Variants in AGAP1 observed in about 807,000 individuals in gnomAD.
The protein encoded by AGAP1 is ArfGAP with GTPase domain, ankyrin repeat and PH domain 1, also known as arf-GAP with GTPase, ANK repeat and PH domain-containing protein 1.
Under a neutral mutation model 105.3 loss-of-function variants are expected in AGAP1, and 29 were observed. The observed-to-expected ratio is 0.28, with a 90% confidence interval of 0.21 to 0.38. The LOEUF (loss-of-function observed/expected upper bound fraction) is 0.38. Ranked by LOEUF, AGAP1 falls within the 10% of genes least tolerant of loss-of-function variation. The pLI, the probability that AGAP1 is intolerant of heterozygous loss-of-function variation, is 1.00. For synonymous variants in AGAP1, 509 were observed against 485.9 expected (o/e 1.05, Z -0.63); for missense variants, 998 against 1,165.1 (o/e 0.86, Z 2.09).
At chr2:235,516,917 G>A (rs1942413975) in intron 1 of AGAP1, among the ~76,000 whole-genome samples, 1 of 152,254 alleles carries the variant, frequency 6.6e-6, no homozygotes, top group Admixed American at 6.5e-5. Context: ...TTGATGGGCA[G>A]TTGCAGGTAG....
intron 6 of AGAP1, among the ~76,000 whole-genome samples, chr2:235,766,421 T>C (rs1199384446): frequency 6.6e-6 from 1 of 152,164 alleles, no homozygotes. Context: ...GTCTAAGGAT[T>C]ATTCTCCTGC....
At chr2:235,916,650 T>G (rs1229996755) in intron 11 of AGAP1, among the ~76,000 whole-genome samples, 1 of 152,234 alleles carries the variant, frequency 6.6e-6, no homozygotes, top group Non-Finnish European at 1.5e-5. Flanking sequence ...GGGGAAATGA[T>G]GTCCACCTCT....
chr2:235,774,484 G>A, intron 6 of AGAP1: 1 of 393,838 alleles, frequency 2.5e-6, no homozygotes. Flanking sequence ...TAGGCTAATG[G>A]GAAAATAAGA....
chr2:235,819,779 C>T, intron 9 of AGAP1, among the ~76,000 whole-genome samples: 1 of 152,162 alleles, frequency 6.6e-6, no homozygotes, highest in East Asian at 1.9e-4. Flanking sequence ...CACTCCGAGA[C>T]ATGTTCTTTC....
chr2:236,099,442 G>C (rs557810823), intron 16 of AGAP1, among the ~76,000 whole-genome samples: 2 of 150,744 alleles, frequency 1.3e-5, no homozygotes, highest in Non-Finnish European at 3.0e-5. Context: ...GCGACAGAGC[G>C]AGACTCCGCC....
chr2:236,084,457 G>T (rs1263491160), intron 16 of AGAP1, among the ~76,000 whole-genome samples: 1 of 152,186 alleles, frequency 6.6e-6, no homozygotes. Flanking sequence ...AATGCAAGGG[G>T]CTTCTGTGTA....
In AGAP1 at chr2:235,559,081, C is replaced by T. The variant is rs1944065713; in HGVS notation, c.163+64232C>T. Among the ~76,000 whole-genome samples, 1 of 152,134 alleles carries T rather than the reference C, an allele frequency of 6.6e-6. No homozygotes were observed. Among genetic ancestry groups the T allele is most frequent in the Non-Finnish European group, 1.5e-5 (1 of 68,020 alleles). On this transcript the variant is annotated intron_variant, in intron 1 of 17. Coordinates refer to ENST00000304032, the MANE Select transcript of AGAP1 (RefSeq NM_001037131.3). The surrounding 1 kb of genome is among the most constrained non-coding windows in gnomAD (Gnocchi z 5.7). ...GAGACTACAGGCATGCGCCACTACA[C>T]CCGACTAATATTTTGTATTCGTGTG...
At chr2:235,637,875 G>C (rs528045424) in intron 1 of AGAP1, among the ~76,000 whole-genome samples, 2 of 152,274 alleles carry the variant, frequency 1.3e-5, no homozygotes, top group South Asian at 2.1e-4. Flanking sequence ...TCCGAGTGCA[G>C]GAAGAGACAG....
chr2:235,610,614 A>G lies in AGAP1; in HGVS notation c.164-98565A>G, dbSNP rs773787574. ...AAGATCCCACCTCAGATACCATCGC[A>G]TTGGGGGTTGAGCTTTAAATACAAA... On this transcript the variant is annotated intron_variant, in intron 1 of 17. Transcript: ENST00000304032. The surrounding 1 kb of genome is among the most constrained non-coding windows in gnomAD (Gnocchi z 4.9). Among the ~76,000 whole-genome samples, 2 of 152,124 alleles carry G rather than the reference A, an allele frequency of 1.3e-5. No homozygotes were observed. The highest frequency in any genetic ancestry group is 2.9e-5 in the Non-Finnish European group (2 of 68,028).
rs1404584232 is a variant in AGAP1, at chr2:236,089,343, CAT to C, written c.2115-30848_2115-30847del. On this transcript the variant is annotated intron_variant, in intron 16 of 17. Coordinates refer to ENST00000304032, the MANE Select transcript of AGAP1 (RefSeq NM_001037131.3). This position sits in a 1 kb window ranked among gnomAD's most constrained non-coding sequence, Gnocchi z 5.6. ...ATTCCTTGCTCTTCCGTAAAGGACACATGTGTCTCTGTGCCTCTCAGTCTCCC... is the reference window on the plus strand; with the variant it reads ...ATTCCTTGCTCTTCCGTAAAGGACACGTGTCTCTGTGCCTCTCAGTCTCCC... Among the ~76,000 whole-genome samples the C allele has an allele frequency of 6.6e-6, 1 of 152,260 alleles. No individual in the cohort carries two copies. Among genetic ancestry groups the C allele is most frequent in the African/African-American group, 2.4e-5 (1 of 41,468 alleles).
chr2:236,036,752 T>A lies in AGAP1; in HGVS notation c.1800+37T>A. 2 of 1,612,812 alleles carry A rather than the reference T, an allele frequency of 1.2e-6. No individual in the cohort carries two copies. The highest frequency in any genetic ancestry group is 1.7e-6 in the Non-Finnish European group (2 of 1,179,502). The stretch of plus-strand genomic sequence containing the variant: ...GGCTGCCCAAAACCAAGGCTGGGGC[T>A]GCTCAGGGGGAGTGCGGGCCCCAAG... On this transcript the variant is annotated intron_variant, in intron 14 of 17. Coordinates refer to ENST00000304032, the MANE Select transcript of AGAP1 (RefSeq NM_001037131.3). This position sits in a 1 kb window ranked among gnomAD's most constrained non-coding sequence, Gnocchi z 5.7.
rs1260908130 is a variant in AGAP1 at position 235,905,329 on chromosome 2, A to G, written c.1156-3409A>G. ...AGCAAGTTGATATTTTTAAAGGAGTAACTGTGCAAGAAGGAATTCATTATT... is the reference window on the plus strand; with the variant it reads ...AGCAAGTTGATATTTTTAAAGGAGTGACTGTGCAAGAAGGAATTCATTATT... On this transcript the variant is annotated intron_variant, in intron 10 of 17. Coordinates refer to ENST00000304032, the MANE Select transcript of AGAP1 (RefSeq NM_001037131.3). The surrounding 1 kb of genome is among the most constrained non-coding windows in gnomAD (Gnocchi z 4.2). 6.6e-6 allele frequency among the ~76,000 whole-genome samples: 1 copy of G among 152,210 alleles called. No homozygotes were observed. Among genetic ancestry groups the G allele is most frequent in the Non-Finnish European group, 1.5e-5 (1 of 68,034 alleles).
intron 12 of AGAP1, among the ~76,000 whole-genome samples, chr2:235,966,794 T>C (rs2054420225): frequency 1.3e-5 from 2 of 151,942 alleles, no homozygotes; most frequent in African/African-American, 4.8e-5. Context: ...GTGCATGCAA[T>C]GAAGGGTGAC....
intron 1 of AGAP1, among the ~76,000 whole-genome samples, chr2:235,573,775 G>T (rs971674244): frequency 6.6e-6 from 1 of 152,120 alleles, no homozygotes; most frequent in Non-Finnish European, 1.5e-5. Context: ...TGGAGAGTCA[G>T]GTCAGGGGTG....
intron 9 of AGAP1, among the ~76,000 whole-genome samples, chr2:235,812,378 G>C (rs1157665833): frequency 6.6e-6 from 1 of 152,216 alleles, no homozygotes; most frequent in African/African-American, 2.4e-5. Flanking sequence ...TGCGTGTTTT[G>C]ATTCTCAGTT....
Position 236,042,029 on chromosome 2 carries a change from G to A in AGAP1, c.1891+1188G>A, listed in dbSNP as rs1264105949. On this transcript the variant is annotated intron_variant, in intron 15 of 17. Transcript: ENST00000304032. This position sits in a 1 kb window ranked among gnomAD's most constrained non-coding sequence, Gnocchi z 5.6. Reference sequence around the variant, plus strand: ...GGAAAACCAGTAGAAGCTAGTTGGAGTGTGAGTGCCAAGTGAAACTTTTTC... The same window carrying A: ...GGAAAACCAGTAGAAGCTAGTTGGAATGTGAGTGCCAAGTGAAACTTTTTC... Among the ~76,000 whole-genome samples the A allele has an allele frequency of 1.3e-5, 2 of 152,236 alleles. No individual in the cohort carries two copies. The highest frequency in any genetic ancestry group is 4.8e-5 in the African/African-American group (2 of 41,458).
At chr2:235,969,579 A>G (rs2125349899) in intron 13 of AGAP1, among the ~76,000 whole-genome samples, 1 of 152,174 alleles carries the variant, frequency 6.6e-6, no homozygotes, top group African/African-American at 2.4e-5. Context: ...CTTTTTCCAG[A>G]TACTCTACTT....
Position 235,549,301 on chromosome 2 carries a change from G to A in AGAP1, c.163+54452G>A, listed in dbSNP as rs955585088. The stretch of plus-strand genomic sequence containing the variant: ...GGACAGGGATGACTGGAGAGAGCTG[G>A]CGAGTGCAGCCTGCTGGGATGCCAG... On this transcript the variant is annotated intron_variant, in intron 1 of 17. Transcript: ENST00000304032. This position sits in a 1 kb window ranked among gnomAD's most constrained non-coding sequence, Gnocchi z 4.2. 6.6e-6 allele frequency among the ~76,000 whole-genome samples: 1 copy of A among 152,214 alleles called. No individual in the cohort carries two copies. The highest frequency in any genetic ancestry group is 6.5e-5 in the Admixed American group (1 of 15,282).
In AGAP1 at chr2:235,740,196, G is replaced by A. The variant is rs576619183; in HGVS notation, c.311-767G>A. On this transcript the variant is annotated intron_variant, in intron 3 of 17. Coordinates refer to ENST00000304032, the MANE Select transcript of AGAP1 (RefSeq NM_001037131.3). This position sits in a 1 kb window ranked among gnomAD's most constrained non-coding sequence, Gnocchi z 5.7. ...GGCCTAGCGGGCCGGGCTGGGCACT[G>A]CAGCAACCTTGTACCATCCCCTCCT... Among the ~76,000 whole-genome samples, 9 of 152,242 alleles carry A rather than the reference G, an allele frequency of 5.9e-5. 1 individual carries two copies. The highest frequency in any genetic ancestry group is 2.2e-4 in the African/African-American group (9 of 41,546).
Sources: allele counts gnomAD v4.1 joint callset (sites outside exome capture counted in the v4.1 genomes callset), GRCh38; gene constraint gnomAD v4.1.1; non-coding constraint Gnocchi (gnomAD v3.1); transcripts MANE v1.5; gene names NCBI Gene and HGNC (gene_info 2026-07-23, HGNC 2026-07-21).